ABCA3: variants seen among roughly 807,000 people sequenced by gnomAD.
ABCA3 encodes the protein ATP binding cassette subfamily A member 3.
In ABCA3, 88 loss-of-function variants were observed where a neutral mutation model predicts 172.8. The observed-to-expected ratio is 0.51, with a 90% CI of 0.43 to 0.61. The LOEUF is 0.61. Among genes scored for constraint, ABCA3 ranks in the 20% least tolerant of loss-of-function variants. The probability of loss-of-function intolerance (pLI) is 0.00; values close to 1 mark genes in which losing one functional copy is unlikely to be tolerated. For synonymous variants in ABCA3, 1,066 were observed against 983.8 expected, an observed-to-expected ratio of 1.08 and a Z score of -1.56; for missense variants, 2,164 against 2,301.0, an observed-to-expected ratio of 0.94 and a Z score of 1.22.
chr16:2,280,171 C>T (rs2093652867), intron 28 of ABCA3, among the ~76,000 whole-genome samples: 1 of 152,220 alleles, frequency 6.6e-6, no homozygotes, highest in East Asian at 1.9e-4. Flanking sequence ...GACTTCTCAC[C>T]CTCTCCTCCA....
At position 2,297,848 on chromosome 16, in the gene ABCA3, T is replaced by G; in HGVS notation, c.1970A>C (p.Lys657Thr). Residue 657 changes from lysine (K) to threonine (T), a missense_variant, in exon 16 of 33, where the codon AAG becomes ACG. By Grantham distance (78) the Lys-to-Thr change is moderately conservative. Transcript: ENST00000301732. This position sits in a 1 kb window ranked among gnomAD's most constrained non-coding sequence, Gnocchi z 5.6. ...CAGGAAGCGGCTCCGTGAGTTCCAC[T>G]TGTCCTCCAGGCCGATGATGTGCAG... is the stretch of plus-strand genomic sequence containing the variant. Reference protein sequence around the residue: ...QMLHIIGLEDKWNSRSRFLSG... With the variant: ...QMLHIIGLEDTWNSRSRFLSG... 2.5e-6 allele frequency: 4 copies of G among 1,613,796 alleles called. No homozygotes were observed. Among genetic ancestry groups the G allele is most frequent in the South Asian group, 1.1e-5 (1 of 91,082 alleles).
intron 3 of ABCA3, among the ~76,000 whole-genome samples, chr16:2,326,744 T>C (rs1371917044): frequency 6.6e-6 from 1 of 152,036 alleles, no homozygotes; most frequent in Non-Finnish European, 1.5e-5. Flanking sequence ...TCTCAACACT[T>C]TGGGAGGCCG....
intron 1 of ABCA3, among the ~76,000 whole-genome samples, chr16:2,331,207 C>G (rs1393245745): frequency 6.6e-6 from 1 of 151,702 alleles, no homozygotes; most frequent in African/African-American, 2.4e-5. Flanking sequence ...TAGAAGTTTT[C>G]TTTTCTTTTC....
chr16:2,294,284 C>T (rs1459144899), intron 18 of ABCA3, among the ~76,000 whole-genome samples: 3 of 151,750 alleles, frequency 2.0e-5, no homozygotes, highest in South Asian at 4.2e-4. Flanking sequence ...CCTTGGCCTC[C>T]CAAAGTGCTG....
intron 28 of ABCA3, 136 bp downstream of exon 28, chr16:2,280,891 G>T: frequency 8.6e-7 from 1 of 1,158,286 alleles, no homozygotes; most frequent in Non-Finnish European, 1.3e-6. Flanking sequence ...TCGCTGTCCA[G>T]AGGCATGTGC....
chr16:2,323,814 G>A (rs1264721140), intron 6 of ABCA3, 126 bp from the exon 7 acceptor site: 1 of 1,107,884 alleles, frequency 9.0e-7, no homozygotes, highest in Non-Finnish European at 1.4e-6. Context: ...CCGCCTCTGA[G>A]TATCTCCAAC....
rs1370175883 is a variant in ABCA3 at position 2,277,045 on chromosome 16, C to T, written c.4984-240G>A. Among the ~76,000 whole-genome samples, 3 of 152,220 alleles carry T rather than the reference C, an allele frequency of 2.0e-5. No individual in the cohort carries two copies. In the South Asian group the frequency reaches 6.2e-4, roughly 31 times the overall value. On this transcript the variant is annotated intron_variant, in intron 32 of 32. Coordinates refer to ENST00000301732, the MANE Select transcript of ABCA3 (RefSeq NM_001089.3). The surrounding 1 kb of genome is among the most constrained non-coding windows in gnomAD (Gnocchi z 5.3). ...AGCCTCCTCCCTGTGCTGTTCCCAG[C>T]TCAGATTACAACCTTGAGCCAGTGA...
At chr16:2,339,620 G>A (rs1403623545) in intron 1 of ABCA3, among the ~76,000 whole-genome samples, 1 of 152,222 alleles carries the variant, frequency 6.6e-6, no homozygotes. Context: ...CTCCCTGCCT[G>A]GGCTCCATGC....
At chr16:2,289,217 G>A in intron 20 of ABCA3, 1 of 613,304 alleles carries the variant, frequency 1.6e-6, no homozygotes, top group Non-Finnish European at 2.9e-6. Context: ...AGGGTGCTGT[G>A]CCTGAGGTAG....
rs2093697545 is a variant in ABCA3, at chr16:2,306,341, A to ATC, written c.1285+2108_1285+2109insGA. ...CCCTATCTCCAAAAAAAAATTGTTAAAAAGAAAGCAAAAGAACAAAGTTTA... is the reference window on the plus strand; with the variant it reads ...CCCTATCTCCAAAAAAAAATTGTTAATCAAAGAAAGCAAAAGAACAAAGTTTA... On this transcript the variant is annotated intron_variant, in intron 11 of 32. Transcript: ENST00000301732. Among the ~76,000 whole-genome samples, 5 of 152,332 alleles carry ATC rather than the reference A, an allele frequency of 3.3e-5. No homozygotes were observed. In the South Asian group the frequency reaches 1.0e-3, roughly 32 times the overall value.
rs1383860750 is a variant in ABCA3, at chr16:2,285,517, G to T, written c.3408C>A (p.Val1136=). 8.7e-6 allele frequency: 14 copies of T among 1,608,282 alleles called. No individual in the cohort carries two copies. In the East Asian group the frequency reaches 3.1e-4, roughly 36 times the overall value. Residue 1136 remains valine, a synonymous_variant, in exon 23 of 33, where the codon GTC becomes GTA. Transcript: ENST00000301732. This position sits in a 1 kb window ranked among gnomAD's most constrained non-coding sequence, Gnocchi z 4.7. ...CAGAGAGCCAGAAACTGGCCACGTG[G>T]ACTCCACTCACAAACTGCACATGCT... ...QAKHVQFVSG[V]HVASFWLSAL... is the part of the protein sequence containing the mutation.
intron 1 of ABCA3, among the ~76,000 whole-genome samples, chr16:2,340,172 C>A (rs2093758372): frequency 6.6e-6 from 1 of 152,220 alleles, no homozygotes; most frequent in Non-Finnish European, 1.5e-5. Flanking sequence ...GCGGCGGACG[C>A]CTGCATCCCT....
chr16:2,337,393 C>A (rs535207688), intron 1 of ABCA3, among the ~76,000 whole-genome samples: 1 of 145,920 alleles, frequency 6.9e-6, no homozygotes, highest in Non-Finnish European at 1.5e-5. Context: ...TTTTTTCATG[C>A]AGGGTCTCAC....
chr16:2,276,790 C>G lies in ABCA3; in HGVS notation c.4999G>C (p.Glu1667Gln). The G allele has an allele frequency of 6.2e-7, 1 of 1,613,906 alleles. No individual in the cohort carries two copies. The highest frequency in any genetic ancestry group is 1.1e-5 in the South Asian group (1 of 91,088). Residue 1667 changes from glutamate (E) to glutamine (Q), a missense_variant, in exon 33 of 33, where the codon GAG becomes CAG. Coordinates refer to ENST00000301732, the MANE Select transcript of ABCA3 (RefSeq NM_001089.3). ...LSWAKVFGIL[E>Q]KAKEKYGVDD... ...ACGCCGTACTTTTCCTTGGCTTTCT[C>G]CAGAATACCGAAAACCTTTGGGGAG...
chr16:2,321,406 C>T (rs923656147), intron 7 of ABCA3, among the ~76,000 whole-genome samples: 1 of 152,228 alleles, frequency 6.6e-6, no homozygotes, highest in African/African-American at 2.4e-5. Context: ...GCGCTGGCTG[C>T]ATGCATGCTG....
intron 11 of ABCA3, 62 bp downstream of exon 11, chr16:2,308,388 G>A (rs2093701096): frequency 6.2e-7 from 1 of 1,603,758 alleles, no homozygotes; most frequent in Admixed American, 1.7e-5. Flanking sequence ...CGGCTCTTGT[G>A]GTTGGGTGCT....
intron 10 of ABCA3, among the ~76,000 whole-genome samples, chr16:2,309,159 G>T (rs45603031): frequency 0.12 from 17,543 of 152,118 alleles, 1,619 homozygotes; most frequent in East Asian, 0.38. Context: ...TGTTAGCCAG[G>T]ATGGTCTCGA....
At chr16:2,319,488 A>AAAAAAAAAAATACT (rs2093722204) in intron 8 of ABCA3, 93 bp downstream of exon 8, 3 of 1,524,142 alleles carry the variant, frequency 2.0e-6, no homozygotes, top group African/African-American at 2.8e-5. Flanking sequence ...CCAACTCAAA[A>AAAAAAAAAAATACT]AAAAAAAAAT....
chr16:2,314,814 G>A (rs2093712287), intron 10 of ABCA3, among the ~76,000 whole-genome samples: 1 of 150,304 alleles, frequency 6.7e-6, no homozygotes, highest in East Asian at 2.0e-4. Context: ...GACCTCAGAT[G>A]ATCTGCCAGC....
Sources: gnomAD v4.1 joint callset for allele counts (sites outside exome capture counted in the v4.1 genomes callset) on GRCh38, gnomAD v4.1.1 for gene constraint, Gnocchi (gnomAD v3.1) non-coding constraint, MANE v1.5 for transcripts, NCBI Gene and HGNC (gene_info 2026-07-23, HGNC 2026-07-21) for gene names.